Variants in GRID2 observed in about 807,000 individuals in gnomAD.
GRID2 encodes the protein glutamate ionotropic receptor delta type subunit 2, also known as glutamate receptor ionotropic, delta-2.
A neutral mutation model predicts 114.8 loss-of-function variants in GRID2; 33 were observed. The ratio of observed to expected loss-of-function variants is 0.29; its 90% CI spans 0.22 to 0.38. GRID2 has a LOEUF of 0.38. GRID2 is among the 10% of genes least tolerant of loss of function. GRID2 has a pLI of 1.00. For missense variants in GRID2, 1,184 were observed against 1,257.7 expected (o/e 0.94, Z 0.89); for synonymous variants, 505 against 449.9 (o/e 1.12, Z -1.55).
intron 14 of GRID2, among the ~76,000 whole-genome samples, chr4:93,760,220 C>A (rs760944791): frequency 6.6e-6 from 1 of 152,128 alleles, no homozygotes; most frequent in South Asian, 2.1e-4. Flanking sequence ...TTGAAAAGGC[C>A]TTTATAAACT....
chr4:93,180,057 C>T lies in GRID2; in HGVS notation c.736-27347C>T, dbSNP rs1459362976. 5.3e-5 allele frequency among the ~76,000 whole-genome samples: 8 copies of T among 152,056 alleles called. No homozygotes were observed. In the East Asian group the frequency reaches 7.7e-4, roughly 15 times the overall value. ...ACGAAGAAAAAAGGCATAAGCAGAC[C>T]GGAATCATCATTTACCCAGTTACTC... On this transcript the variant is annotated intron_variant, in intron 4 of 15. Transcript: ENST00000282020.
chr4:92,411,353 T>A (rs953173423), intron 1 of GRID2, among the ~76,000 whole-genome samples: 2 of 152,064 alleles, frequency 1.3e-5, no homozygotes, highest in Admixed American at 6.6e-5. Flanking sequence ...TACCTTAATG[T>A]TATAGATTAT....
At chr4:93,782,523 G>A (rs1022867477) in intron 1 of GRID2, among the ~76,000 whole-genome samples, 4 of 152,018 alleles carry the variant, frequency 2.6e-5, no homozygotes, top group African/African-American at 9.7e-5. Context: ...CTAAGAGGTA[G>A]GTCTGAAATA....
At chr4:92,501,232 C>T (rs1392680875) in intron 1 of GRID2, among the ~76,000 whole-genome samples, 1 of 152,048 alleles carries the variant, frequency 6.6e-6, no homozygotes, top group Non-Finnish European at 1.5e-5. Flanking sequence ...CAGGAGTAGC[C>T]AACTATTGTG....
chr4:92,965,924 C>A (rs966971351), intron 2 of GRID2, among the ~76,000 whole-genome samples: 1 of 151,778 alleles, frequency 6.6e-6, no homozygotes, highest in Non-Finnish European at 1.5e-5. Context: ...GTCTTCTGAC[C>A]AAATTCTTGT....
intron 4 of GRID2, among the ~76,000 whole-genome samples, chr4:93,154,835 C>T (rs183096697): frequency 6.6e-6 from 1 of 151,940 alleles, no homozygotes; most frequent in Admixed American, 6.6e-5. Context: ...TCTGCCTACT[C>T]GTATTCCTTA....
At chr4:93,308,311 A>G (rs982840999) in intron 8 of GRID2, among the ~76,000 whole-genome samples, 1 of 152,114 alleles carries the variant, frequency 6.6e-6, no homozygotes, top group Non-Finnish European at 1.5e-5. Context: ...TGGTTTCGAA[A>G]GTGTCTAGCA....
chr4:92,501,999 CT>C (rs138244501), intron 1 of GRID2, among the ~76,000 whole-genome samples: 1,640 of 152,114 alleles, frequency 0.011, 25 homozygotes, highest in African/African-American at 0.038. Flanking sequence ...AATATTTTCT[CT>C]CCTTTATATG....
At chr4:92,685,948 T>G (rs1318675452) in intron 2 of GRID2, among the ~76,000 whole-genome samples, 1 of 152,084 alleles carries the variant, frequency 6.6e-6, no homozygotes, top group African/African-American at 2.4e-5. Context: ...CACATTTTCT[T>G]TACTCTCAGT....
At chr4:93,038,744 T>G (rs1725184048) in intron 2 of GRID2, among the ~76,000 whole-genome samples, 1 of 151,832 alleles carries the variant, frequency 6.6e-6, no homozygotes, top group South Asian at 2.1e-4. Flanking sequence ...TGAGCTGAGA[T>G]TGTGCCACTG....
rs186184823 is a variant in GRID2, at chr4:93,529,149, A to G, written c.2193+13738A>G. 1.1e-3 allele frequency among the ~76,000 whole-genome samples: 169 copies of G among 152,304 alleles called. 5 individuals carry two copies. Among genetic ancestry groups the G allele is most frequent in the Admixed American group, 0.01 (157 of 15,284 alleles). On this transcript the variant is annotated intron_variant, in intron 13 of 15. Coordinates refer to ENST00000282020, the MANE Select transcript of GRID2 (RefSeq NM_001510.4). ...GAGTGGTTCTCAAACTTTATATGCT[A>G]TTAAGAATTGCCTAGTGAGGCTGTC...
intron 2 of GRID2, among the ~76,000 whole-genome samples, chr4:92,723,288 T>G (rs1210926903): frequency 6.6e-6 from 1 of 152,102 alleles, no homozygotes; most frequent in Non-Finnish European, 1.5e-5. Flanking sequence ...GTGCTTTTAC[T>G]TTCAGAAAAA....
intron 1 of GRID2, among the ~76,000 whole-genome samples, chr4:92,438,157 G>A (rs1732829050): frequency 6.6e-6 from 1 of 152,028 alleles, no homozygotes; most frequent in Admixed American, 6.6e-5. Context: ...ACATAAAAAT[G>A]TATGCCAATA....
At chr4:92,567,679 C>A (rs1323419879) in intron 1 of GRID2, among the ~76,000 whole-genome samples, 1 of 152,000 alleles carries the variant, frequency 6.6e-6, no homozygotes, top group Non-Finnish European at 1.5e-5. Context: ...TGATCTCTTG[C>A]CAACAATTTT....
chr4:92,615,077 TTAAAAGTCTGGAGAC>T (rs1237297014), intron 2 of GRID2, among the ~76,000 whole-genome samples: 2 of 151,590 alleles, frequency 1.3e-5, no homozygotes, highest in Non-Finnish European at 3.0e-5. Flanking sequence ...AATATATTTC[TTAAAAGTCTGGAGAC>T]TAAAAGTCCA....
intron 2 of GRID2, among the ~76,000 whole-genome samples, chr4:92,794,320 C>G (rs1191070972): frequency 6.6e-6 from 1 of 151,818 alleles, no homozygotes; most frequent in East Asian, 1.9e-4. Context: ...ACTGGCCACT[C>G]TCTTCTGCCT....
rs552939390 is a variant in GRID2, at chr4:92,942,183, A to T, written c.245-142812A>T. On this transcript the variant is annotated intron_variant, in intron 2 of 15. Transcript: ENST00000282020. Reference sequence around the variant, plus strand: ...TGACAGTGGGGTGTTAAAGTCTCCCATTATTATTGTGTTGGAGTCTAAGTC... The same window carrying T: ...TGACAGTGGGGTGTTAAAGTCTCCCTTTATTATTGTGTTGGAGTCTAAGTC... 2.0e-5 allele frequency among the ~76,000 whole-genome samples: 3 copies of T among 152,242 alleles called. No individual in the cohort carries two copies. In the South Asian group the frequency reaches 6.2e-4, roughly 32 times the overall value.
chr4:92,793,093 T>G (rs1462294539), intron 2 of GRID2, among the ~76,000 whole-genome samples: 1 of 151,768 alleles, frequency 6.6e-6, no homozygotes, highest in Non-Finnish European at 1.5e-5. Context: ...CTGTGTTCAT[T>G]TATGCACCAG....
intron 4 of GRID2, among the ~76,000 whole-genome samples, chr4:93,156,223 A>G (rs1222481720): frequency 1.3e-5 from 2 of 151,888 alleles, no homozygotes; most frequent in East Asian, 1.9e-4. Context: ...AATAAAACAC[A>G]TTTTATATTT....
Sources: gnomAD v4.1 joint callset for allele counts (sites outside exome capture counted in the v4.1 genomes callset) on GRCh38, gnomAD v4.1.1 for gene constraint, MANE v1.5 for transcripts, NCBI Gene and HGNC (gene_info 2026-07-23, HGNC 2026-07-21) for gene names.